CDC37L1: variants seen among roughly 807,000 people sequenced by gnomAD.
CDC37L1 encodes the protein cell division cycle 37 like 1, HSP90 cochaperone.
Under a neutral mutation model 45.9 loss-of-function variants are expected in CDC37L1, and 32 were observed. That is an observed-to-expected ratio of 0.70 (90% CI 0.53 to 0.94). The LOEUF (loss-of-function observed/expected upper bound fraction) is 0.94. Ranked by LOEUF, CDC37L1 falls within the 40% of genes least tolerant of loss-of-function variation. CDC37L1 has a pLI of 0.00. For missense variants in CDC37L1, 434 were observed against 405.7 expected (o/e 1.07, Z -0.60); for synonymous variants, 150 against 133.0 (o/e 1.13, Z -0.88).
chr9:4,687,330 T>C (rs961888275), intron 2 of CDC37L1, among the ~76,000 whole-genome samples: 34 of 152,168 alleles, frequency 2.2e-4, no homozygotes, highest in African/African-American at 8.0e-4. Context: ...TAATAGAAAT[T>C]TGTACTTGAC....
chr9:4,701,803 A>G lies in CDC37L1; in HGVS notation c.748-61A>G, dbSNP rs1225876200. 6.1e-6 allele frequency: 8 copies of G among 1,315,050 alleles called. No homozygotes were observed. The East Asian group carries it at 1.9e-4, about 31-fold the overall frequency. 81.5% of individuals were successfully genotyped at this position (1,315,050 alleles called of 1,614,324 possible). ...TCAAACCTGTTATATGCTTTCTGGA[A>G]TTTACTATGTCTAGAAATCTTGAAG... On this transcript the variant is annotated intron_variant, in intron 5 of 6. Coordinates refer to ENST00000381854, the MANE Select transcript of CDC37L1 (RefSeq NM_017913.4).
At chr9:4,701,744 T>G (rs1175483394) in intron 5 of CDC37L1, 120 bp from the exon 6 acceptor site, 1 of 623,954 alleles carries the variant, frequency 1.6e-6, no homozygotes, top group Non-Finnish European at 2.7e-6. Context: ...GTTTCTATAT[T>G]TAGACTATTC....
intron 3 of CDC37L1, 127 bp from the exon 4 acceptor site, chr9:4,696,969 T>A (rs544438518): frequency 3.4e-6 from 2 of 585,950 alleles, no homozygotes; most frequent in East Asian, 5.9e-5. Context: ...GTAATATGAA[T>A]TGTCTTTAAA....
intron 6 of CDC37L1, 128 bp downstream of exon 6, chr9:4,702,156 T>G (rs3736839): frequency 0.38 from 175,386 of 458,978 alleles, 35,650 homozygotes; most frequent in East Asian, 0.56. Context: ...AGAAGATAAC[T>G]GTTGAATCTT....
Position 4,706,045 on chromosome 9 carries a change from C to A in CDC37L1, c.947C>A (p.Ala316Asp). The A allele has an allele frequency of 1.3e-6, 2 of 1,598,996 alleles. No homozygotes were observed. The highest frequency in any genetic ancestry group is 1.7e-6 in the Non-Finnish European group (2 of 1,166,456). Residue 316 changes from alanine (A) to aspartate (D), a missense_variant, in exon 7 of 7, where the codon GCT becomes GAT. Coordinates refer to ENST00000381854, the MANE Select transcript of CDC37L1 (RefSeq NM_017913.4). ...PDYLQYSIST[A>D]LCSLNSVVHK... Reference sequence around the variant, plus strand: ...TATCTTCAGTATTCTATCAGTACAGCTCTCTGCAGCTTAAACTCGGTGGTA... The same window carrying A: ...TATCTTCAGTATTCTATCAGTACAGATCTCTGCAGCTTAAACTCGGTGGTA...
chr9:4,703,763 TTATTAGATAGCAACTATA>T (rs1841420187), intron 6 of CDC37L1, among the ~76,000 whole-genome samples: 2 of 152,200 alleles, frequency 1.3e-5, no homozygotes, highest in African/African-American at 2.4e-5. Context: ...GTCCTTGTTG[TTATTAGATAGCAACTATA>T]TATTAGATAG....
Position 4,679,715 on chromosome 9 carries a change from G to T in CDC37L1, c.-53G>T. The T allele has an allele frequency of 6.5e-7, 1 of 1,548,028 alleles. No individual in the cohort carries two copies. Among genetic ancestry groups the T allele is most frequent in the South Asian group, 1.2e-5 (1 of 85,616 alleles). ...AGGTTCCATTCACGCCAAGTCTGTT[G>T]GCAGTGGCAGTTGTAGGGCCAAGGG... is the stretch of plus-strand genomic sequence containing the variant. On this transcript the variant is annotated 5_prime_UTR_variant, in exon 1 of 7. Transcript: ENST00000381854.
rs1841402382 is a variant in CDC37L1 at position 4,701,981 on chromosome 9, C to T, written c.865C>T (p.Pro289Ser). The change falls in exon 6 of 7, where the codon CCC becomes TCC. Residue 289 changes from proline (P) to serine (S), a missense_variant. Transcript: ENST00000381854. ...ACCTATGACAGTTCAGAATCATGTT[C>T]CCCATTCTGGTGTTGGATCTATAGG... ...FQPMTVQNHVPHSGVGSIGLL... is the reference protein window; with the variant it reads ...FQPMTVQNHVSHSGVGSIGLL... 3 of 1,543,108 alleles carry T rather than the reference C, an allele frequency of 1.9e-6. No homozygotes were observed. Among genetic ancestry groups the T allele is most frequent in the East Asian group, 4.8e-5 (2 of 41,688 alleles).
At chr9:4,703,094 AT>A (rs1841414975) in intron 6 of CDC37L1, 1 of 1,544,456 alleles carries the variant, frequency 6.5e-7, no homozygotes, top group African/African-American at 1.4e-5. Flanking sequence ...AGGCTCCAAG[AT>A]TTTAAGACCA....
At chr9:4,696,125 A>G (rs1841345399) in intron 3 of CDC37L1, among the ~76,000 whole-genome samples, 2 of 152,006 alleles carry the variant, frequency 1.3e-5, no homozygotes, top group Admixed American at 1.3e-4. Context: ...TGAATCATTT[A>G]TTTTTGATTG....
intron 2 of CDC37L1, among the ~76,000 whole-genome samples, chr9:4,687,120 A>G (rs1026265674): frequency 2.0e-5 from 3 of 152,148 alleles, no homozygotes; most frequent in African/African-American, 7.2e-5. Flanking sequence ...TTTATTTTGA[A>G]ATATGTAAAC....
chr9:4,690,854 A>C (rs963867969), intron 3 of CDC37L1, among the ~76,000 whole-genome samples: 3 of 152,252 alleles, frequency 2.0e-5, no homozygotes, highest in Non-Finnish European at 4.4e-5. Flanking sequence ...TAGGCTCTCA[A>C]AATGTTCATG....
chr9:4,697,041 C>G (rs1234672777), intron 3 of CDC37L1, 55 bp from the exon 4 acceptor site: 8 of 770,562 alleles, frequency 1.0e-5, no homozygotes, highest in Non-Finnish European at 1.8e-5. Context: ...TATTTCTTCC[C>G]TTATGGGAAG....
chr9:4,702,627 A>T (rs1179090677), intron 6 of CDC37L1, among the ~76,000 whole-genome samples: 1 of 152,114 alleles, frequency 6.6e-6, no homozygotes, highest in Non-Finnish European at 1.5e-5. Flanking sequence ...CGCGCCTGTA[A>T]TCCCAGCACT....
At chr9:4,686,803 G>T (rs1044749369) in intron 2 of CDC37L1, among the ~76,000 whole-genome samples, 11 of 152,204 alleles carry the variant, frequency 7.2e-5, no homozygotes, top group African/African-American at 2.4e-4. Flanking sequence ...CTAGCCACAT[G>T]TGCTATTGAG....
At position 4,679,767 on chromosome 9, in the gene CDC37L1, C is replaced by T. The variant is rs1841168790; in HGVS notation, c.-1C>T. On this transcript the variant is annotated 5_prime_UTR_variant, in exon 1 of 7. Transcript: ENST00000381854. ...GGTTGTAGGACCCGGAGCAGCCGGA[C>T]ATGGAACAACCGTGGCCGCCTCCGG... The T allele has an allele frequency of 2.5e-6, 4 of 1,611,026 alleles. No homozygotes were observed. The highest frequency in any genetic ancestry group is 1.1e-5 in the South Asian group (1 of 90,870).
intron 3 of CDC37L1, among the ~76,000 whole-genome samples, chr9:4,690,818 G>A (rs1841293465): frequency 6.6e-6 from 1 of 152,180 alleles, no homozygotes; most frequent in African/African-American, 2.4e-5. Flanking sequence ...CAGCACACTG[G>A]ATCCCCAGGA....
chr9:4,698,016 T>C lies in CDC37L1; in HGVS notation c.747+137T>C, dbSNP rs1841363775. ...TGTAGATTTTCTTGTGAAAAGAAAA[T>C]TTATATTGCTAATTTCTTGCTAATT... On this transcript the variant is annotated intron_variant, in intron 5 of 6. Transcript: ENST00000381854. The C allele has an allele frequency of 5.4e-6, 4 of 742,276 alleles. No homozygotes were observed. In the East Asian group the frequency reaches 1.1e-4, roughly 20 times the overall value. 46.0% of individuals were successfully genotyped at this position (742,276 alleles called of 1,614,324 possible).
chr9:4,691,906 C>A (rs1841304198), intron 3 of CDC37L1, among the ~76,000 whole-genome samples: 1 of 152,132 alleles, frequency 6.6e-6, no homozygotes, highest in Non-Finnish European at 1.5e-5. Flanking sequence ...AATTTCACAA[C>A]CGTTATATTC....
Sources: allele counts gnomAD v4.1 joint callset (sites outside exome capture counted in the v4.1 genomes callset), GRCh38; gene constraint gnomAD v4.1.1; transcripts MANE v1.5; gene names NCBI Gene and HGNC (gene_info 2026-07-23, HGNC 2026-07-21).